The following CDH13 variants were observed in gnomAD, a reference collection of about 807,000 sequenced individuals.
CDH13 encodes the protein cadherin-13.
CDH13 carries 24 observed loss-of-function variants against 63.8 expected under a neutral mutation model. The observed-to-expected ratio is 0.38, with a 90% CI of 0.27 to 0.53. The LOEUF (loss-of-function observed/expected upper bound fraction) is 0.53, where lower values mean the gene tolerates loss of function less well. Ranked by LOEUF, CDH13 falls within the 20% of genes least tolerant of loss-of-function variation. The pLI is 0.85. For synonymous variants in CDH13, 503 were observed against 355.3 expected (o/e 1.42, Z -4.67); for missense variants, 1,049 against 903.1 (o/e 1.16, Z -2.07).
chr16:83,122,035 C>A (rs1198171833), intron 3 of CDH13, among the ~76,000 whole-genome samples: 1 of 151,990 alleles, frequency 6.6e-6, no homozygotes. Flanking sequence ...ATGAAACTAT[C>A]ATTTATCACA....
At chr16:83,006,909 TTTG>T (rs1478786885) in intron 2 of CDH13, among the ~76,000 whole-genome samples, 6 of 125,988 alleles carry the variant, frequency 4.8e-5, no homozygotes, top group Non-Finnish European at 1.1e-4. Flanking sequence ...ATTTTTTTTG[TTTG>T]TTTGTTTGTT....
intron 2 of CDH13, among the ~76,000 whole-genome samples, chr16:82,935,018 C>T (rs781142480): frequency 4.1e-4 from 62 of 152,306 alleles, no homozygotes; most frequent in Middle Eastern, 3.4e-3. Flanking sequence ...TACGGCAGCA[C>T]CCCGCTCCCT....
At chr16:83,320,167 G>T (rs1293070780) in intron 5 of CDH13, among the ~76,000 whole-genome samples, 3 of 151,910 alleles carry the variant, frequency 2.0e-5, no homozygotes, top group African/African-American at 7.3e-5. Flanking sequence ...AACCTCACGA[G>T]TAGCTACGAC....
At chr16:83,346,956 A>G (rs2090852718) in intron 6 of CDH13, among the ~76,000 whole-genome samples, 1 of 152,192 alleles carries the variant, frequency 6.6e-6, no homozygotes, top group Non-Finnish European at 1.5e-5. Flanking sequence ...AGGTGTCTGT[A>G]TGGATTCATT....
chr16:83,408,310 C>T (rs1293454533), intron 6 of CDH13, among the ~76,000 whole-genome samples: 1 of 152,144 alleles, frequency 6.6e-6, no homozygotes, highest in Non-Finnish European at 1.5e-5. Context: ...TCACGTGTCA[C>T]TCAACAATGG....
chr16:83,311,202 C>T (rs902806083), intron 5 of CDH13, among the ~76,000 whole-genome samples: 3 of 152,172 alleles, frequency 2.0e-5, no homozygotes, highest in African/African-American at 7.2e-5. Context: ...TAAAATTCAT[C>T]TGAAGTCTTG....
chr16:82,991,664 T>C (rs911268570), intron 2 of CDH13, among the ~76,000 whole-genome samples: 1 of 152,156 alleles, frequency 6.6e-6, no homozygotes, highest in African/African-American at 2.4e-5. Context: ...TCTGAAAGCA[T>C]GGTAATCTCA....
intron 4 of CDH13, among the ~76,000 whole-genome samples, chr16:83,171,943 G>A (rs754139740): frequency 6.6e-6 from 1 of 152,072 alleles, no homozygotes. Context: ...ATCCTGCATG[G>A]TGAGATAGCT....
At chr16:82,976,834 T>C (rs571908215) in intron 2 of CDH13, among the ~76,000 whole-genome samples, 1 of 152,108 alleles carries the variant, frequency 6.6e-6, no homozygotes, top group African/African-American at 2.4e-5. Context: ...GTACTCGGAG[T>C]TGGCATTTCT....
At chr16:82,863,244 G>A (rs16958782) in intron 2 of CDH13, among the ~76,000 whole-genome samples, 19,646 of 152,156 alleles carry the variant, frequency 0.13, 1,332 homozygotes, top group Admixed American at 0.19. Context: ...GTTTAAGCAG[G>A]AGAGCAAGGT....
At chr16:82,952,075 A>G (rs1905374435) in intron 2 of CDH13, among the ~76,000 whole-genome samples, 1 of 152,190 alleles carries the variant, frequency 6.6e-6, no homozygotes, top group Non-Finnish European at 1.5e-5. Flanking sequence ...ATTTTCTCGA[A>G]AGGAGTTTTG....
At chr16:83,008,918 G>A (rs1232266476) in intron 2 of CDH13, among the ~76,000 whole-genome samples, 1 of 152,206 alleles carries the variant, frequency 6.6e-6, no homozygotes, top group Non-Finnish European at 1.5e-5. Context: ...GGTGGAAGGG[G>A]AAGCAAACAC....
At chr16:83,207,904 A>T (rs934110776) in intron 4 of CDH13, among the ~76,000 whole-genome samples, 4 of 152,206 alleles carry the variant, frequency 2.6e-5, no homozygotes, top group Non-Finnish European at 5.9e-5. Context: ...TAATCTTAAG[A>T]GTCTGCTATA....
chr16:83,023,771 T>A (rs1915557695), intron 2 of CDH13, among the ~76,000 whole-genome samples: 1 of 152,184 alleles, frequency 6.6e-6, no homozygotes, highest in Non-Finnish European at 1.5e-5. Context: ...TGAAACACAA[T>A]GCAGGGCTGA....
At chr16:83,252,046 T>G (rs1371295441) in intron 5 of CDH13, among the ~76,000 whole-genome samples, 1 of 149,394 alleles carries the variant, frequency 6.7e-6, no homozygotes, top group African/African-American at 2.4e-5. Context: ...TCCCAGCTTT[T>G]ACCTCTTTTT....
intron 5 of CDH13, among the ~76,000 whole-genome samples, chr16:83,304,863 T>C (rs1443786032): frequency 6.6e-6 from 1 of 152,196 alleles, no homozygotes; most frequent in African/African-American, 2.4e-5. Flanking sequence ...CTTTCCTCTC[T>C]CTGTCTCTCT....
At position 83,269,166 on chromosome 16, in the gene CDH13, GC is replaced by G. The variant is rs2088719016; in HGVS notation, c.636+51670del. ...CTCTCCTAGTTTTTGGAAATGTGAG[GC>G]TTCTTAGAAATTCAAATGTTGTGTC... is the stretch of plus-strand genomic sequence containing the variant. On this transcript the variant is annotated intron_variant, in intron 5 of 13. Coordinates refer to ENST00000567109, the MANE Select transcript of CDH13 (RefSeq NM_001257.5). 3.3e-5 allele frequency among the ~76,000 whole-genome samples: 5 copies of G among 152,266 alleles called. No individual in the cohort carries two copies. The South Asian group carries it at 1.0e-3, about 32-fold the overall frequency.
chr16:83,364,162 A>G (rs547596861), intron 6 of CDH13, among the ~76,000 whole-genome samples: 1 of 152,182 alleles, frequency 6.6e-6, no homozygotes, highest in Non-Finnish European at 1.5e-5. Flanking sequence ...CCAAGCATCC[A>G]TCTAGGTTCT....
intron 3 of CDH13, among the ~76,000 whole-genome samples, chr16:83,090,622 G>A (rs1347367728): frequency 2.0e-5 from 3 of 150,648 alleles, no homozygotes; most frequent in Non-Finnish European, 3.0e-5. Flanking sequence ...AGAGAAGTCA[G>A]AAATGGCAGC....
Sources: allele counts gnomAD v4.1 joint callset (sites outside exome capture counted in the v4.1 genomes callset), GRCh38; gene constraint gnomAD v4.1.1; transcripts MANE v1.5; gene names NCBI Gene and HGNC (gene_info 2026-07-23, HGNC 2026-07-21).